Variants in KLF12 observed in about 807,000 individuals in gnomAD.
KLF12 encodes KLF transcription factor 12, also known as Krueppel-like factor 12.
Under a neutral mutation model 37.8 loss-of-function variants are expected in KLF12, and 9 were observed. The ratio of observed to expected loss-of-function variants is 0.24; its 90% CI spans 0.14 to 0.42. The LOEUF is 0.42. Ranked by LOEUF, KLF12 falls within the 10% of genes least tolerant of loss-of-function variation. KLF12 has a pLI of 1.00. For missense variants in KLF12, 411 were observed against 516.0 expected (o/e 0.80, Z 1.97); for synonymous variants, 208 against 202.1 (o/e 1.03, Z -0.25).
intron 1 of KLF12, among the ~76,000 whole-genome samples, chr13:74,064,463 G>A (rs1001826250): frequency 1.2e-4 from 19 of 152,136 alleles, no homozygotes; most frequent in East Asian, 7.7e-4. Flanking sequence ...GGCTGCAATC[G>A]TTTTGTTTAT....
intron 2 of KLF12, among the ~76,000 whole-genome samples, chr13:73,986,247 T>C (rs180973007): frequency 4.3e-4 from 66 of 152,300 alleles, no homozygotes; most frequent in African/African-American, 1.3e-3. Flanking sequence ...AACAATCTAC[T>C]GTTTGCAAAA....
chr13:74,197,318 G>A, the KLF12 span, among the ~76,000 whole-genome samples: 1 of 152,040 alleles, frequency 6.6e-6, no homozygotes, highest in African/African-American at 2.4e-5. Context: ...AAAATTCAAG[G>A]ATATTTATTA....
chr13:74,021,516 A>T (rs1892841293), intron 1 of KLF12, among the ~76,000 whole-genome samples: 1 of 152,126 alleles, frequency 6.6e-6, no homozygotes, highest in African/African-American at 2.4e-5. Flanking sequence ...TTGGCAGCAT[A>T]GCATAATAGA....
intron 1 of KLF12, among the ~76,000 whole-genome samples, chr13:74,005,034 A>G (rs887443377): frequency 6.6e-6 from 1 of 152,226 alleles, no homozygotes; most frequent in East Asian, 1.9e-4. Context: ...ATACATTTCA[A>G]AAAAGTATTT....
At chr13:74,193,343 C>A in the KLF12 span, among the ~76,000 whole-genome samples, 1 of 152,110 alleles carries the variant, frequency 6.6e-6, no homozygotes, top group South Asian at 2.1e-4. Context: ...CTATATGTCA[C>A]CTACTTTAAT....
chr13:73,951,024 T>A (rs1465019569), intron 2 of KLF12, among the ~76,000 whole-genome samples: 1 of 152,188 alleles, frequency 6.6e-6, no homozygotes, highest in South Asian at 2.1e-4. Context: ...CCAGGCACCA[T>A]GAGCCTGGGC....
At chr13:74,065,971 G>A (rs1215480646) in intron 1 of KLF12, among the ~76,000 whole-genome samples, 1 of 152,054 alleles carries the variant, frequency 6.6e-6, no homozygotes, top group Non-Finnish European at 1.5e-5. Flanking sequence ...TAATTCACAT[G>A]TACATAGAAG....
intron 5 of KLF12, among the ~76,000 whole-genome samples, chr13:73,790,320 A>T (rs1345033703): frequency 6.6e-6 from 1 of 152,150 alleles, no homozygotes; most frequent in Non-Finnish European, 1.5e-5. Context: ...ATATTAAACC[A>T]AATAGTAAAA....
chr13:73,797,528 G>T (rs1054572007), intron 5 of KLF12, among the ~76,000 whole-genome samples: 9 of 152,134 alleles, frequency 5.9e-5, no homozygotes, highest in Non-Finnish European at 1.2e-4. Flanking sequence ...CCAGCATTTT[G>T]GGAGGCTGAG....
At chr13:74,178,206 T>C in the KLF12 span, among the ~76,000 whole-genome samples, 1 of 152,262 alleles carries the variant, frequency 6.6e-6, no homozygotes, top group African/African-American at 2.4e-5. Flanking sequence ...GCAAAGGATG[T>C]ACGCTGACTG....
intron 5 of KLF12, among the ~76,000 whole-genome samples, chr13:73,779,372 G>C (rs993433671): frequency 6.6e-6 from 1 of 152,160 alleles, no homozygotes; most frequent in African/African-American, 2.4e-5. Flanking sequence ...CCAATGATTT[G>C]ATCCCTCATG....
intron 1 of KLF12, among the ~76,000 whole-genome samples, chr13:74,024,737 A>C (rs1892930718): frequency 6.6e-6 from 1 of 152,192 alleles, no homozygotes; most frequent in African/African-American, 2.4e-5. Context: ...TGGAAGCCAC[A>C]TTTTGTTTCT....
At chr13:74,240,149 A>C in the KLF12 span, among the ~76,000 whole-genome samples, 1 of 151,972 alleles carries the variant, frequency 6.6e-6, no homozygotes, top group Non-Finnish European at 1.5e-5. Flanking sequence ...GTGGTGACAA[A>C]GTCTCTCAGC....
At chr13:74,183,068 T>C in the KLF12 span, among the ~76,000 whole-genome samples, 1 of 152,232 alleles carries the variant, frequency 6.6e-6, no homozygotes, top group Non-Finnish European at 1.5e-5. Context: ...AATGGACTTT[T>C]AACTTCAGTT....
At chr13:74,246,606 A>C in the KLF12 span, among the ~76,000 whole-genome samples, 4 of 152,210 alleles carry the variant, frequency 2.6e-5, no homozygotes, top group African/African-American at 9.6e-5. Flanking sequence ...AATGTGAGGA[A>C]CACATCAACT....
intron 1 of KLF12, among the ~76,000 whole-genome samples, chr13:74,053,885 C>A (rs941834174): frequency 6.6e-6 from 1 of 152,008 alleles, no homozygotes; most frequent in Admixed American, 6.6e-5. Flanking sequence ...AAAATGGGAC[C>A]TAGAGACACA....
chr13:74,164,690 G>T, the KLF12 span, among the ~76,000 whole-genome samples: 3 of 152,182 alleles, frequency 2.0e-5, no homozygotes, highest in Admixed American at 1.3e-4. Context: ...CAACTAAATA[G>T]TGCCTTATAC....
rs150958921 is a variant in KLF12, at chr13:73,711,109, G to A, written c.1027+4259C>T. On this transcript the variant is annotated intron_variant, in intron 7 of 7. Coordinates refer to ENST00000377669, the MANE Select transcript of KLF12 (RefSeq NM_007249.5). ...CAAGGGCCACTCTTCAGTTCTTCAC[G>A]GCTGAGAGAGGTAAGAAAGCTGCAG... Among the ~76,000 whole-genome samples, 400 of 152,272 alleles carry A rather than the reference G, an allele frequency of 2.6e-3. 3 individuals carry two copies. The highest frequency in any genetic ancestry group is 4.0e-3 in the Non-Finnish European group (275 of 68,020).
chr13:74,101,491 C>T (rs1000307965), intron 1 of KLF12, among the ~76,000 whole-genome samples: 7 of 152,048 alleles, frequency 4.6e-5, no homozygotes, highest in African/African-American at 1.4e-4. Flanking sequence ...TCAATGAGCA[C>T]TCAGAAAGCT....
Sources: allele counts gnomAD v4.1 joint callset (sites outside exome capture counted in the v4.1 genomes callset), GRCh38; gene constraint gnomAD v4.1.1; transcripts MANE v1.5; gene names NCBI Gene and HGNC (gene_info 2026-07-23, HGNC 2026-07-21).